The following CCDC175 variants were observed in gnomAD, a reference collection of about 807,000 sequenced individuals.
CCDC175 encodes the protein coiled-coil domain-containing protein 175.
A neutral mutation model predicts 114.6 loss-of-function variants in CCDC175; 100 were observed. The observed-to-expected ratio is 0.87, with a 90% CI of 0.74 to 1.03. The LOEUF is 1.03. CCDC175 is among the 50% of genes least tolerant of loss of function. The pLI is 0.00. For missense variants in CCDC175, 880 were observed against 917.8 expected, an observed-to-expected ratio of 0.96 and a Z score of 0.53; for synonymous variants, 306 against 308.7, an observed-to-expected ratio of 0.99 and a Z score of 0.09.
intron 1 of CCDC175, 66 bp downstream of exon 1, chr14:59,576,553 C>A (rs575093586): frequency 7.4e-7 from 1 of 1,343,640 alleles, no homozygotes; most frequent in South Asian, 1.8e-5. Flanking sequence ...TCAGGGTTCC[C>A]GCTGAGTGCC....
At chr14:59,506,920 CAA>C (rs1405851085) in intron 19 of CCDC175, among the ~76,000 whole-genome samples, 2 of 151,908 alleles carry the variant, frequency 1.3e-5, no homozygotes, top group Admixed American at 1.3e-4. Flanking sequence ...GGTTAATACA[CAA>C]ATTATTTATG....
At chr14:59,566,881 C>T (rs1311801465) in intron 4 of CCDC175, among the ~76,000 whole-genome samples, 1 of 152,166 alleles carries the variant, frequency 6.6e-6, no homozygotes, top group Non-Finnish European at 1.5e-5. Flanking sequence ...TTTGTTATTG[C>T]CTTTCCGTAA....
chr14:59,505,667 A>G (rs1566587310), intron 19 of CCDC175, among the ~76,000 whole-genome samples: 1 of 152,224 alleles, frequency 6.6e-6, no homozygotes, highest in African/African-American at 2.4e-5. Context: ...AGAACAACTT[A>G]TAGCCACTGT....
intron 7 of CCDC175, among the ~76,000 whole-genome samples, chr14:59,554,315 T>C: frequency 6.6e-6 from 1 of 152,206 alleles, no homozygotes; most frequent in Middle Eastern, 3.2e-3. Flanking sequence ...AGAAACTCAC[T>C]TAAAACCGCT....
At chr14:59,512,410 T>G (rs1291767568) in intron 17 of CCDC175, among the ~76,000 whole-genome samples, 1 of 152,202 alleles carries the variant, frequency 6.6e-6, no homozygotes, top group Non-Finnish European at 1.5e-5. Context: ...CACTCAAGCC[T>G]GGGTGAGCCT....
Position 59,572,825 on chromosome 14 carries a change from A to G in CCDC175, c.244-12T>C, listed in dbSNP as rs1470001604. On this transcript the variant is annotated splice_polypyrimidine_tract_variant and intron_variant, in intron 2 of 19. Transcript: ENST00000537690. ...TTTCTCATTTCTTCCTGAAAATTTA[A>G]ATTACATTTTTAAAAAGTTAAGACA... is the stretch of plus-strand genomic sequence containing the variant. 6.8e-7 allele frequency: 1 copy of G among 1,469,400 alleles called. No individual in the cohort carries two copies. The highest frequency in any genetic ancestry group is 9.0e-7 in the Non-Finnish European group (1 of 1,111,666). The allele number at this position is 1,469,400 out of a possible 1,614,324, so 91.0% of individuals were successfully genotyped here. A position where few individuals can be genotyped will look rare whatever the true frequency, so the allele number is the denominator to read the frequency against.
chr14:59,519,549 A>G (rs1893305414), intron 17 of CCDC175, among the ~76,000 whole-genome samples: 1 of 152,216 alleles, frequency 6.6e-6, no homozygotes, highest in African/African-American at 2.4e-5. Context: ...CTTCAGACAG[A>G]AAAAGGACTC....
At chr14:59,535,862 G>A (rs1206051481) in intron 13 of CCDC175, among the ~76,000 whole-genome samples, 1 of 152,146 alleles carries the variant, frequency 6.6e-6, no homozygotes, top group East Asian at 1.9e-4. Context: ...TCCAATAGTT[G>A]GCTCCTTCAG....
At position 59,542,658 on chromosome 14, in the gene CCDC175, A is replaced by AAT. The variant is rs373696003; in HGVS notation, c.1283+684_1283+685dup. Among the ~76,000 whole-genome samples, 3 of 152,010 alleles carry AAT rather than the reference A, an allele frequency of 2.0e-5. No homozygotes were observed. The South Asian group carries it at 6.2e-4, about 32-fold the overall frequency. ...AGAGAAAAGATTGAGATATATTGAG[A>AAT]ATATATATATATTCTCTTTGTTTTG... On this transcript the variant is annotated intron_variant, in intron 10 of 19. Transcript: ENST00000537690.
chr14:59,538,422 A>T (rs1894544711), intron 12 of CCDC175, among the ~76,000 whole-genome samples: 1 of 152,206 alleles, frequency 6.6e-6, no homozygotes, highest in Admixed American at 6.5e-5. Context: ...TAAAGAAATG[A>T]TACATGGGCT....
intron 2 of CCDC175, among the ~76,000 whole-genome samples, chr14:59,573,794 G>T (rs935458067): frequency 6.6e-6 from 1 of 151,904 alleles, no homozygotes. Context: ...TGTATTTTTA[G>T]TAGAGATGGA....
intron 7 of CCDC175, among the ~76,000 whole-genome samples, chr14:59,559,993 C>G (rs1488993093): frequency 4.6e-5 from 7 of 152,028 alleles, no homozygotes; most frequent in Admixed American, 3.3e-4. Context: ...TTGAGGTAAT[C>G]CATATCTTTC....
chr14:59,538,743 G>T lies in CCDC175; in HGVS notation c.1453C>A (p.Gln485Lys). Residue 485 changes from glutamine (Q) to lysine (K), a missense_variant, in exon 12 of 20, where the codon CAG (glutamine) becomes AAG (lysine). Coordinates refer to ENST00000537690, the MANE Select transcript of CCDC175 (RefSeq NM_001164399.2). Reference protein sequence around the residue: ...AEIQAITEKIQNAEVRRIELL... With the variant: ...AEIQAITEKIKNAEVRRIELL... ...TCAATTCGTCTAACTTCTGCATTCT[G>T]AATTTTTTCTGTAATAGCTTGTATT... The T allele has an allele frequency of 6.5e-7, 1 of 1,536,174 alleles. No individual in the cohort carries two copies. The highest frequency in any genetic ancestry group is 8.7e-7 in the Non-Finnish European group (1 of 1,146,508).
At chr14:59,512,701 T>C (rs1226559688) in intron 17 of CCDC175, among the ~76,000 whole-genome samples, 1 of 152,164 alleles carries the variant, frequency 6.6e-6, no homozygotes, top group Non-Finnish European at 1.5e-5. Context: ...TAAATGGAGA[T>C]AAATACTATA....
intron 13 of CCDC175, among the ~76,000 whole-genome samples, chr14:59,536,109 C>T (rs890096160): frequency 6.6e-6 from 1 of 152,178 alleles, no homozygotes; most frequent in East Asian, 1.9e-4. Flanking sequence ...CCTTATCACT[C>T]CTAATTCCAT....
At chr14:59,570,804 C>G (rs1008879669) in intron 3 of CCDC175, among the ~76,000 whole-genome samples, 1 of 152,306 alleles carries the variant, frequency 6.6e-6, no homozygotes, top group South Asian at 2.1e-4. Context: ...TGCAGTGGCG[C>G]AATCTTGGCT....
chr14:59,562,048 T>C (rs1407937479), intron 6 of CCDC175, among the ~76,000 whole-genome samples: 1 of 152,204 alleles, frequency 6.6e-6, no homozygotes, highest in Non-Finnish European at 1.5e-5. Context: ...CTACTCAAAA[T>C]GGTTTCTTTC....
chr14:59,568,102 G>T, intron 4 of CCDC175, 143 bp downstream of exon 4: 1 of 725,778 alleles, frequency 1.4e-6, no homozygotes, highest in Non-Finnish European at 2.1e-6. Context: ...TACCCCATCA[G>T]CCTGGGCCAT....
At chr14:59,513,466 C>A (rs1049982442) in intron 17 of CCDC175, among the ~76,000 whole-genome samples, 7 of 152,286 alleles carry the variant, frequency 4.6e-5, no homozygotes, top group Non-Finnish European at 7.4e-5. Flanking sequence ...TCACTCCCAC[C>A]CCAATATGGT....
Sources: allele counts gnomAD v4.1 joint callset (sites outside exome capture counted in the v4.1 genomes callset), GRCh38; gene constraint gnomAD v4.1.1; transcripts MANE v1.5; gene names NCBI Gene and HGNC (gene_info 2026-07-23, HGNC 2026-07-21).